CAPN14: variants seen among roughly 807,000 people sequenced by gnomAD.
The protein encoded by CAPN14 is calpain-14.
Under a neutral mutation model 101.3 loss-of-function variants are expected in CAPN14, and 94 were observed. The ratio of observed to expected loss-of-function variants is 0.93; its 90% CI spans 0.79 to 1.10. The LOEUF is 1.10. Ranked by LOEUF, CAPN14 falls within the 50% of genes least tolerant of loss-of-function variation. CAPN14 has a pLI of 0.00. For synonymous variants in CAPN14, 338 were observed against 317.9 expected, an observed-to-expected ratio of 1.06 and a Z score of -0.67; for missense variants, 837 against 828.4, an observed-to-expected ratio of 1.01 and a Z score of -0.13.
chr2:31,175,586 C>T (rs902622763), intron 21 of CAPN14, among the ~76,000 whole-genome samples: 3 of 152,310 alleles, frequency 2.0e-5, no homozygotes, highest in East Asian at 1.9e-4. Context: ...GAGCGATGCC[C>T]CAGTACTCAA....
intron 2 of CAPN14, among the ~76,000 whole-genome samples, chr2:31,223,662 G>A (rs1391666346): frequency 6.6e-6 from 1 of 150,736 alleles, no homozygotes; most frequent in Non-Finnish European, 1.5e-5. Context: ...CCAAGTAGCT[G>A]GGACTACAGA....
rs561112864 is a variant in CAPN14, at chr2:31,205,911, C to T, written c.-52-412G>A. Among the ~76,000 whole-genome samples, 4 of 152,100 alleles carry T rather than the reference C, an allele frequency of 2.6e-5. No homozygotes were observed. In the South Asian group the frequency reaches 8.3e-4, roughly 32 times the overall value. The stretch of plus-strand genomic sequence containing the variant: ...GGGGAGTAGTGGCTGCCTGCTCAGG[C>T]CTCCACCAGGCCTGCCAACTCCTGC... On this transcript the variant is annotated intron_variant, in intron 1 of 21. Transcript: ENST00000403897.
intron 1 of CAPN14, among the ~76,000 whole-genome samples, chr2:31,212,312 C>CAAAAAAAAAA (rs72155600): frequency 1.4e-4 from 15 of 110,442 alleles, no homozygotes; most frequent in Non-Finnish European, 1.8e-4. Context: ...CGTCTCAAAA[C>CAAAAAAAAAA]AAAAAAAAAA....
chr2:31,184,832 C>A (rs910538532), intron 16 of CAPN14, among the ~76,000 whole-genome samples: 2 of 152,198 alleles, frequency 1.3e-5, no homozygotes, highest in Admixed American at 6.5e-5. Flanking sequence ...CCATTAAATG[C>A]AGCCTGAATT....
At chr2:31,189,866 GA>G (rs1681090644) in intron 12 of CAPN14, among the ~76,000 whole-genome samples, 2 of 152,232 alleles carry the variant, frequency 1.3e-5, no homozygotes, top group Non-Finnish European at 2.9e-5. Flanking sequence ...GGGAATTAAG[GA>G]CAGCTGAGTT....
At chr2:31,233,212 C>T (rs1343944962) in intron 1 of CAPN14, among the ~76,000 whole-genome samples, 6 of 152,174 alleles carry the variant, frequency 3.9e-5, no homozygotes, top group African/African-American at 1.4e-4. Context: ...GCTATTGGTT[C>T]CCCATCTCTG....
At chr2:31,231,576 T>C (rs527758796) in intron 1 of CAPN14, among the ~76,000 whole-genome samples, 4 of 152,338 alleles carry the variant, frequency 2.6e-5, no homozygotes, top group Admixed American at 1.3e-4. Flanking sequence ...TTTAAACAGA[T>C]AGATTTCAAC....
chr2:31,206,136 A>G (rs1682076490), intron 1 of CAPN14, among the ~76,000 whole-genome samples: 1 of 150,398 alleles, frequency 6.6e-6, no homozygotes, highest in Non-Finnish European at 1.5e-5. Context: ...AGGTTCAAGC[A>G]ATTCTCCTGC....
intron 4 of CAPN14, 68 bp from the exon 5 acceptor site, chr2:31,202,066 G>C: frequency 1.3e-6 from 2 of 1,550,006 alleles, no homozygotes; most frequent in Non-Finnish European, 1.7e-6. Flanking sequence ...AGAAGGTGAA[G>C]ACATGGTCCT....
intron 15 of CAPN14, among the ~76,000 whole-genome samples, chr2:31,187,138 C>T (rs545449422): frequency 7.2e-5 from 11 of 152,312 alleles, no homozygotes; most frequent in African/African-American, 2.6e-4. Flanking sequence ...GCTCAAATAT[C>T]AGACCCCAGA....
At chr2:31,214,680 T>C (rs918209842) in intron 1 of CAPN14, among the ~76,000 whole-genome samples, 4 of 152,036 alleles carry the variant, frequency 2.6e-5, no homozygotes, top group Admixed American at 2.0e-4. Context: ...CCCACTTCCA[T>C]TTGACTTTAT....
intron 18 of CAPN14, among the ~76,000 whole-genome samples, 195 bp downstream of exon 18, chr2:31,178,316 T>G (rs902765264): frequency 6.6e-6 from 1 of 152,170 alleles, no homozygotes; most frequent in South Asian, 2.1e-4. Flanking sequence ...GTTTTGGAAC[T>G]TCAGGAGACT....
At chr2:31,207,494 G>A (rs546592517) in intron 1 of CAPN14, among the ~76,000 whole-genome samples, 223 of 152,304 alleles carry the variant, frequency 1.5e-3, no homozygotes, top group Middle Eastern at 0.014. Flanking sequence ...CAGGTCAGGT[G>A]CAAGGGCTCA....
chr2:31,191,430 GAA>G (rs76201003), intron 11 of CAPN14, 23 bp from the exon 12 acceptor site: 1,026 of 1,268,940 alleles, frequency 8.1e-4, no homozygotes, highest in Admixed American at 1.1e-3. Context: ...AACAAAAACA[GAA>G]AAAAAAAAAA....
intron 2 of CAPN14, among the ~76,000 whole-genome samples, chr2:31,225,769 G>T (rs1372032315): frequency 1.3e-5 from 2 of 152,036 alleles, no homozygotes; most frequent in East Asian, 1.9e-4. Flanking sequence ...GTGTTGACTG[G>T]GGGAAAAGAT....
intron 3 of CAPN14, 127 bp downstream of exon 3, chr2:31,202,943 G>A (rs1681871946): frequency 1.4e-6 from 1 of 726,720 alleles, no homozygotes; most frequent in Non-Finnish European, 2.3e-6. Flanking sequence ...TTTTGCCAGT[G>A]AATAGCCATT....
chr2:31,203,241 A>T, intron 2 of CAPN14, 102 bp from the exon 3 acceptor site: 1 of 830,622 alleles, frequency 1.2e-6, no homozygotes, highest in Non-Finnish European at 2.0e-6. Flanking sequence ...ACTTATGGGG[A>T]CAAAGATACA....
chr2:31,204,914 G>A (rs1016972136), intron 2 of CAPN14, among the ~76,000 whole-genome samples: 2 of 152,180 alleles, frequency 1.3e-5, no homozygotes, highest in African/African-American at 4.8e-5. Flanking sequence ...CCTGGGACTT[G>A]TGATTGCCAT....
At chr2:31,195,617 G>A (rs948494673) in intron 8 of CAPN14, among the ~76,000 whole-genome samples, 2 of 152,178 alleles carry the variant, frequency 1.3e-5, no homozygotes, top group Non-Finnish European at 2.9e-5. Flanking sequence ...GATTACAGGT[G>A]TGAGTCACTA....
Sources: allele counts gnomAD v4.1 joint callset (sites outside exome capture counted in the v4.1 genomes callset), GRCh38; gene constraint gnomAD v4.1.1; transcripts MANE v1.5; gene names NCBI Gene and HGNC (gene_info 2026-07-23, HGNC 2026-07-21).